The following ARMH3 variants were observed in gnomAD, a reference collection of about 807,000 sequenced individuals.
ARMH3 encodes the protein armadillo like helical domain containing 3.
ARMH3 carries 60 observed loss-of-function variants against 99.1 expected under a neutral mutation model. That is an observed-to-expected ratio of 0.61 (90% CI 0.49 to 0.75). The LOEUF is 0.75. ARMH3 is among the 30% of genes least tolerant of loss of function. The pLI is 0.00. For synonymous variants in ARMH3, 285 were observed against 292.8 expected, an observed-to-expected ratio of 0.97 and a Z score of 0.27; for missense variants, 679 against 843.1, an observed-to-expected ratio of 0.81 and a Z score of 2.41.
At chr10:101,883,856 G>A (rs541203997) in intron 24 of ARMH3, among the ~76,000 whole-genome samples, 1 of 152,038 alleles carries the variant, frequency 6.6e-6, no homozygotes, top group African/African-American at 2.4e-5. Context: ...AGCCAGGCAT[G>A]GTGGCATGCA....
At chr10:102,033,204 A>C (rs1297140178) in intron 3 of ARMH3, 32 bp from the exon 4 acceptor site, 2 of 1,613,902 alleles carry the variant, frequency 1.2e-6, no homozygotes. Context: ...GGCAGAGTGC[A>C]TTTTTAGCTT....
intron 22 of ARMH3, among the ~76,000 whole-genome samples, chr10:101,941,908 C>T (rs796424235): frequency 1.3e-5 from 2 of 152,134 alleles, no homozygotes; most frequent in South Asian, 4.1e-4. Context: ...AGATCCCCCA[C>T]AAAAATCACA....
At position 101,956,587 on chromosome 10, in the gene ARMH3, G is replaced by C. The variant is rs1026958941; in HGVS notation, c.1705+10C>G. 4 of 1,611,248 alleles carry C rather than the reference G, an allele frequency of 2.5e-6. No individual in the cohort carries two copies. The African/African-American group carries it at 4.0e-5, about 16-fold the overall frequency. On this transcript the variant is annotated intron_variant, in intron 22 of 25. Transcript: ENST00000370033. ...GGTGGAGAGAGGAGTAAAAAGAAAAGGCAGCTTACCCATGGAGTAGAGGTT... is the reference window on the plus strand; with the variant it reads ...GGTGGAGAGAGGAGTAAAAAGAAAACGCAGCTTACCCATGGAGTAGAGGTT...
At chr10:102,024,273 A>G (rs1056765379) in intron 6 of ARMH3, among the ~76,000 whole-genome samples, 1 of 151,520 alleles carries the variant, frequency 6.6e-6, no homozygotes, top group Non-Finnish European at 1.5e-5. Flanking sequence ...ACATGGTGAA[A>G]CCCCATCTCT....
intron 23 of ARMH3, among the ~76,000 whole-genome samples, chr10:101,892,203 G>C (rs985746051): frequency 6.6e-6 from 1 of 152,106 alleles, no homozygotes; most frequent in Admixed American, 6.6e-5. Context: ...CCAGCACTTT[G>C]GGAGGCTAAG....
At chr10:101,951,466 AG>A (rs1402007746) in intron 22 of ARMH3, among the ~76,000 whole-genome samples, 106 of 152,244 alleles carry the variant, frequency 7.0e-4, no homozygotes, top group Non-Finnish European at 2.8e-4. Context: ...CCAGCTACTC[AG>A]GAGGCCAAGG....
intron 24 of ARMH3, among the ~76,000 whole-genome samples, chr10:101,886,942 C>T (rs2067562268): frequency 6.6e-6 from 1 of 152,096 alleles, no homozygotes; most frequent in South Asian, 2.1e-4. Context: ...TGACTTTTTT[C>T]TCTACTCAGT....
In ARMH3 at chr10:102,023,755, T is replaced by A. The variant is rs757583573; in HGVS notation, c.508-6A>T. On this transcript the variant is annotated splice_polypyrimidine_tract_variant and splice_region_variant and intron_variant, in intron 6 of 25. Coordinates refer to ENST00000370033, the MANE Select transcript of ARMH3 (RefSeq NM_024541.3). ...TGGCTGATGTTATCTGTCACCTGAA[T>A]GTAATAAAAGGCTTTTTAAAGTCTG... 1.9e-6 allele frequency: 3 copies of A among 1,613,460 alleles called. No homozygotes were observed. Among genetic ancestry groups the A allele is most frequent in the Non-Finnish European group, 2.5e-6 (3 of 1,179,370 alleles).
At chr10:101,947,878 G>A (rs1371024068) in intron 22 of ARMH3, among the ~76,000 whole-genome samples, 1 of 151,662 alleles carries the variant, frequency 6.6e-6, no homozygotes, top group Non-Finnish European at 1.5e-5. Flanking sequence ...TTATTGAAGT[G>A]GTACAATCCT....
At chr10:102,050,351 A>C (rs1400678316) in intron 1 of ARMH3, among the ~76,000 whole-genome samples, 1 of 151,280 alleles carries the variant, frequency 6.6e-6, no homozygotes, top group Non-Finnish European at 1.5e-5. Flanking sequence ...CGGGAGGCTG[A>C]GGCAAGAGAA....
chr10:102,044,310 C>T (rs943988311), intron 1 of ARMH3, among the ~76,000 whole-genome samples: 1 of 151,490 alleles, frequency 6.6e-6, no homozygotes, highest in East Asian at 1.9e-4. Context: ...CTCCTGACCT[C>T]GTGATCCACC....
intron 2 of ARMH3, 48 bp from the exon 3 acceptor site, chr10:102,033,387 A>T (rs754010383): frequency 4.5e-6 from 7 of 1,566,022 alleles, no homozygotes; most frequent in Non-Finnish European, 6.1e-6. Context: ...TAACACCAAA[A>T]GCATTAAGAA....
intron 15 of ARMH3, among the ~76,000 whole-genome samples, chr10:102,000,116 A>C (rs1375118128): frequency 6.6e-6 from 1 of 152,186 alleles, no homozygotes; most frequent in South Asian, 2.1e-4. Flanking sequence ...AAAATGATTC[A>C]GCCAAAATAA....
At chr10:101,869,553 C>T (rs1249660294) in intron 24 of ARMH3, among the ~76,000 whole-genome samples, 1 of 152,058 alleles carries the variant, frequency 6.6e-6, no homozygotes, top group African/African-American at 2.4e-5. Flanking sequence ...AAAATGAAAA[C>T]ACAACCTACC....
chr10:102,013,206 G>A (rs1403682643), intron 9 of ARMH3, among the ~76,000 whole-genome samples: 1 of 152,142 alleles, frequency 6.6e-6, no homozygotes, highest in Non-Finnish European at 1.5e-5. Context: ...CAAACAAAAA[G>A]CCCTCAAATG....
chr10:101,868,334 C>T (rs1186453232), intron 24 of ARMH3, among the ~76,000 whole-genome samples: 1 of 152,160 alleles, frequency 6.6e-6, no homozygotes, highest in Non-Finnish European at 1.5e-5. Flanking sequence ...ACTTCTTTTA[C>T]AACATGAACC....
intron 24 of ARMH3, among the ~76,000 whole-genome samples, chr10:101,874,847 C>T (rs533940987): frequency 6.6e-6 from 1 of 152,038 alleles, no homozygotes; most frequent in Non-Finnish European, 1.5e-5. Flanking sequence ...GTTTATCTGT[C>T]CTTCTTAGGC....
intron 24 of ARMH3, among the ~76,000 whole-genome samples, chr10:101,874,219 T>G (rs537861087): frequency 2.3e-4 from 35 of 152,284 alleles, no homozygotes; most frequent in Admixed American, 6.5e-4. Flanking sequence ...ACATCTTGAT[T>G]GTGGTGGTGG....
chr10:102,011,991 A>T (rs540395003), intron 10 of ARMH3, among the ~76,000 whole-genome samples: 3 of 152,232 alleles, frequency 2.0e-5, no homozygotes, highest in Non-Finnish European at 4.4e-5. Flanking sequence ...ATGCCTGGCT[A>T]CTTTGGGAGA....
Sources: gnomAD v4.1 joint callset for allele counts (sites outside exome capture counted in the v4.1 genomes callset) on GRCh38, gnomAD v4.1.1 for gene constraint, MANE v1.5 for transcripts, NCBI Gene and HGNC (gene_info 2026-07-23, HGNC 2026-07-21) for gene names.